PTPRD: variants seen among roughly 807,000 people sequenced by gnomAD.
The protein encoded by PTPRD is protein tyrosine phosphatase receptor type D.
PTPRD carries 34 observed loss-of-function variants against 214.5 expected under a neutral mutation model. The observed-to-expected ratio is 0.16, with a 90% CI of 0.12 to 0.21. PTPRD has a LOEUF of 0.21. Among genes scored for constraint, PTPRD ranks in the 10% least tolerant of loss-of-function variants. PTPRD has a pLI of 1.00. For synonymous variants in PTPRD, 1,128 were observed against 845.7 expected (o/e 1.33, Z -5.79); for missense variants, 2,545 against 2,398.7 (o/e 1.06, Z -1.27).
Position 10,120,633 on chromosome 9 carries a change from A to G in PTPRD, c.-544-86843T>C, listed in dbSNP as rs144354257. Reference sequence around the variant, plus strand: ...TATGTTAGGTTTTCAAAAAGTTTCTATAGTTCTATACATCCATCAATATTA... The same window carrying G: ...TATGTTAGGTTTTCAAAAAGTTTCTGTAGTTCTATACATCCATCAATATTA... On this transcript the variant is annotated intron_variant, in intron 3 of 45. Coordinates refer to ENST00000381196, the MANE Select transcript of PTPRD (RefSeq NM_002839.4). Among the ~76,000 whole-genome samples, 563 of 151,674 alleles carry G rather than the reference A, an allele frequency of 3.7e-3. 4 individuals carry two copies. The highest frequency in any genetic ancestry group is 0.021 in the South Asian group (101 of 4,808).
intron 11 of PTPRD, among the ~76,000 whole-genome samples, chr9:8,989,872 G>A (rs1470683432): frequency 1.3e-5 from 2 of 152,040 alleles, no homozygotes; most frequent in African/African-American, 4.8e-5. Context: ...AAGAAATCAT[G>A]ATTTAATCTT....
chr9:8,713,527 C>T, intron 12 of PTPRD: 2 of 1,240,480 alleles, frequency 1.6e-6, no homozygotes, highest in South Asian at 1.2e-5. Context: ...GAAGTCCCCG[C>T]TGCGGGTGAA....
intron 8 of PTPRD, among the ~76,000 whole-genome samples, chr9:9,533,584 C>T (rs2075940971): frequency 6.6e-6 from 1 of 152,024 alleles, no homozygotes; most frequent in Non-Finnish European, 1.5e-5. Context: ...TGAATAAAAA[C>T]AATATTTGAA....
chr9:9,867,523 A>C (rs2064285143), intron 5 of PTPRD, among the ~76,000 whole-genome samples: 1 of 152,146 alleles, frequency 6.6e-6, no homozygotes, highest in Non-Finnish European at 1.5e-5. Flanking sequence ...TAAAGGAAGA[A>C]TCTCAGAGGA....
intron 7 of PTPRD, among the ~76,000 whole-genome samples, chr9:9,690,208 T>C (rs2097244180): frequency 6.6e-6 from 1 of 151,930 alleles, no homozygotes; most frequent in Non-Finnish European, 1.5e-5. Flanking sequence ...TATCTGACTG[T>C]AGTTTTGATT....
chr9:10,525,889 TC>T (rs1320797218), intron 2 of PTPRD, among the ~76,000 whole-genome samples: 1 of 152,056 alleles, frequency 6.6e-6, no homozygotes, highest in African/African-American at 2.4e-5. Context: ...TTCTCAAACA[TC>T]CTGTGTTAAA....
chr9:9,165,270 G>A (rs933909707), intron 10 of PTPRD, among the ~76,000 whole-genome samples: 3 of 152,150 alleles, frequency 2.0e-5, no homozygotes, highest in African/African-American at 4.8e-5. Flanking sequence ...TTTGAAATAA[G>A]TATGCACATT....
chr9:8,469,004 C>G (rs187379786), intron 31 of PTPRD, among the ~76,000 whole-genome samples: 2 of 152,030 alleles, frequency 1.3e-5, no homozygotes, highest in Non-Finnish European at 2.9e-5. Context: ...TTTCTTCCAC[C>G]ATTAATTCTA....
At chr9:8,548,049 CA>C (rs1564242516) in intron 14 of PTPRD, among the ~76,000 whole-genome samples, 1 of 152,062 alleles carries the variant, frequency 6.6e-6, no homozygotes, top group Non-Finnish European at 1.5e-5. Flanking sequence ...TAAGGGAGCA[CA>C]GGGGTGAATA....
chr9:9,106,373 T>C (rs1032733740), intron 10 of PTPRD, among the ~76,000 whole-genome samples: 3 of 151,922 alleles, frequency 2.0e-5, no homozygotes, highest in African/African-American at 7.2e-5. Context: ...TAAATATTAA[T>C]ACTTAATATG....
chr9:9,806,703 T>C (rs1407418572), intron 5 of PTPRD, among the ~76,000 whole-genome samples: 1 of 152,126 alleles, frequency 6.6e-6, no homozygotes, highest in Non-Finnish European at 1.5e-5. Context: ...GGCGGTCTCT[T>C]ATACAGACAT....
At position 9,161,857 on chromosome 9, in the gene PTPRD, T is replaced by C. The variant is rs527418835; in HGVS notation, c.-143+21447A>G. Reference sequence around the variant, plus strand: ...GTAACATTACTGCATAAGCTACACATATATATATATATTTAAATTGACTAA... The same window carrying C: ...GTAACATTACTGCATAAGCTACACACATATATATATATTTAAATTGACTAA... On this transcript the variant is annotated intron_variant, in intron 10 of 45. Transcript: ENST00000381196. Among the ~76,000 whole-genome samples, 11 of 91,348 alleles carry C rather than the reference T, an allele frequency of 1.2e-4. No homozygotes were observed. In the East Asian group the frequency reaches 1.3e-3, roughly 10 times the overall value. 59.9% of individuals were successfully genotyped at this position (91,348 alleles called of 152,430 possible).
chr9:8,355,990 C>G (rs890923201), intron 39 of PTPRD, among the ~76,000 whole-genome samples: 5 of 152,100 alleles, frequency 3.3e-5, no homozygotes, highest in African/African-American at 1.2e-4. Context: ...CATACATACA[C>G]ATAAATTTAA....
intron 7 of PTPRD, among the ~76,000 whole-genome samples, chr9:9,701,490 T>A (rs920346950): frequency 3.9e-5 from 6 of 152,144 alleles, no homozygotes; most frequent in African/African-American, 1.2e-4. Context: ...GGTTTTAAAT[T>A]TCACAGTCAA....
chr9:10,293,444 T>G (rs2095587636), intron 3 of PTPRD, among the ~76,000 whole-genome samples: 1 of 151,938 alleles, frequency 6.6e-6, no homozygotes, highest in Admixed American at 6.6e-5. Flanking sequence ...TGATATTATT[T>G]ACTGTAGATT....
At chr9:10,395,180 C>A (rs2154493148) in intron 2 of PTPRD, among the ~76,000 whole-genome samples, 1 of 151,340 alleles carries the variant, frequency 6.6e-6, no homozygotes, top group South Asian at 2.1e-4. Flanking sequence ...TATACATGTG[C>A]CATGTTGGTG....
chr9:8,555,902 C>T (rs2083593887), intron 14 of PTPRD, among the ~76,000 whole-genome samples: 1 of 152,118 alleles, frequency 6.6e-6, no homozygotes, highest in Non-Finnish European at 1.5e-5. Context: ...TATATTGCAC[C>T]CTTGGGGAAG....
intron 11 of PTPRD, among the ~76,000 whole-genome samples, chr9:8,799,579 T>C (rs1250361350): frequency 6.6e-6 from 1 of 152,224 alleles, no homozygotes; most frequent in African/African-American, 2.4e-5. Context: ...GGAAGTTTGT[T>C]GTTATTTCTT....
chr9:9,099,905 A>T (rs1250802188), intron 10 of PTPRD, among the ~76,000 whole-genome samples: 1 of 152,164 alleles, frequency 6.6e-6, no homozygotes, highest in Non-Finnish European at 1.5e-5. Context: ...AGCACTGCAG[A>T]TTTGAAAAGT....
Sources: gnomAD v4.1 joint callset for allele counts (sites outside exome capture counted in the v4.1 genomes callset) on GRCh38, gnomAD v4.1.1 for gene constraint, MANE v1.5 for transcripts, NCBI Gene and HGNC (gene_info 2026-07-23, HGNC 2026-07-21) for gene names.